CRTC3: variants seen among roughly 807,000 people sequenced by gnomAD.
The protein encoded by CRTC3 is CREB-regulated transcription coactivator 3.
CRTC3 carries 26 observed loss-of-function variants against 74.5 expected under a neutral mutation model. That is an observed-to-expected ratio of 0.35 (90% CI 0.26 to 0.48). The LOEUF (loss-of-function observed/expected upper bound fraction) is 0.48. Among genes scored for constraint, CRTC3 ranks in the 20% least tolerant of loss-of-function variants. CRTC3 has a pLI of 0.99. For missense variants in CRTC3, 760 were observed against 787.3 expected (o/e 0.97, Z 0.41); for synonymous variants, 377 against 325.8 (o/e 1.16, Z -1.69).
intron 2 of CRTC3, among the ~76,000 whole-genome samples, chr15:90,579,078 C>T (rs939278973): frequency 3.3e-5 from 5 of 152,118 alleles, no homozygotes; most frequent in Admixed American, 2.0e-4. Flanking sequence ...AAAAAAATTG[C>T]ATCCTTACTA....
chr15:90,570,122 C>T (rs1346859201), intron 2 of CRTC3, among the ~76,000 whole-genome samples: 2 of 152,194 alleles, frequency 1.3e-5, no homozygotes, highest in African/African-American at 4.8e-5. Context: ...AGTTTTCACA[C>T]AGTTGCTAGG....
chr15:90,555,012 G>T (rs1023666838), intron 2 of CRTC3, among the ~76,000 whole-genome samples: 2 of 152,168 alleles, frequency 1.3e-5, no homozygotes, highest in African/African-American at 4.8e-5. Flanking sequence ...TCTACAATTG[G>T]CCATACTCTG....
intron 3 of CRTC3, chr15:90,598,157 A>G: frequency 2.4e-6 from 1 of 421,472 alleles, no homozygotes; most frequent in South Asian, 2.9e-5. Flanking sequence ...AGAGCAGGAG[A>G]GAAATGACTG....
chr15:90,558,317 A>G (rs1481216763), intron 2 of CRTC3, among the ~76,000 whole-genome samples: 1 of 152,084 alleles, frequency 6.6e-6, no homozygotes, highest in African/African-American at 2.4e-5. Flanking sequence ...TATATTCTCA[A>G]CACTGCCACC....
At chr15:90,554,575 A>G (rs1020194353) in intron 2 of CRTC3, among the ~76,000 whole-genome samples, 1 of 152,064 alleles carries the variant, frequency 6.6e-6, no homozygotes, top group African/African-American at 2.4e-5. Flanking sequence ...CATCGCTGAC[A>G]CCTCTATTGC....
chr15:90,638,717 T>A lies in CRTC3; in HGVS notation c.1468-18T>A. The A allele has an allele frequency of 6.2e-7, 1 of 1,613,730 alleles. No homozygotes were observed. The highest frequency in any genetic ancestry group is 8.5e-7 in the Non-Finnish European group (1 of 1,179,648). On this transcript the variant is annotated intron_variant, in intron 12 of 14. Coordinates refer to ENST00000268184, the MANE Select transcript of CRTC3 (RefSeq NM_022769.5). The stretch of plus-strand genomic sequence containing the variant: ...CTCTGAGTTCCAAGCTAAATGATCA[T>A]CTCCTTATTCCCTGAAGGGCTCATC...
At chr15:90,609,191 T>G (rs891018708) in intron 6 of CRTC3, among the ~76,000 whole-genome samples, 3 of 152,244 alleles carry the variant, frequency 2.0e-5, no homozygotes, top group Non-Finnish European at 4.4e-5. Context: ...ATTGTTTGCT[T>G]GTAAACTATG....
At chr15:90,604,728 C>G (rs1436020772) in intron 5 of CRTC3, among the ~76,000 whole-genome samples, 2 of 152,112 alleles carry the variant, frequency 1.3e-5, no homozygotes, top group African/African-American at 4.8e-5. Flanking sequence ...GGAGATAATG[C>G]TACCTAGATC....
At chr15:90,565,129 G>A (rs939621931) in intron 2 of CRTC3, among the ~76,000 whole-genome samples, 2 of 152,152 alleles carry the variant, frequency 1.3e-5, no homozygotes, top group African/African-American at 4.8e-5. Context: ...TTAGTTTTTA[G>A]TAGAGACGGG....
intron 4 of CRTC3, among the ~76,000 whole-genome samples, chr15:90,603,276 C>T (rs6496706): frequency 0.68 from 98,745 of 145,006 alleles, 34,627 homozygotes; most frequent in South Asian, 0.79. Flanking sequence ...ACCCCGTCTC[C>T]ACTAAAAATA....
intron 2 of CRTC3, among the ~76,000 whole-genome samples, chr15:90,547,563 G>A (rs1394584734): frequency 1.3e-5 from 2 of 152,158 alleles, no homozygotes; most frequent in East Asian, 3.9e-4. Flanking sequence ...GTAAACAAAA[G>A]CCAACTTTTC....
At position 90,638,642 on chromosome 15, in the gene CRTC3, C is replaced by T. The variant is rs544534466; in HGVS notation, c.1463C>T (p.Ala488Val). The change falls in exon 12 of 15, where the codon GCC becomes GTC. Residue 488 changes from alanine to valine, a missense_variant. This residue lies in a region of CRTC3 where 652 missense variants were observed against 635.2 expected (regional missense o/e 1.03). Coordinates refer to ENST00000268184, the MANE Select transcript of CRTC3 (RefSeq NM_022769.5). ...CAGTCAGACTTTCAGCTTCTCCCGG[C>T]CCAGGTGAGTTCTGGCAGGAGCGTT... The part of the protein sequence containing the change: ...LPQSDFQLLP[A>V]QGSSLTNFFP... The T allele has an allele frequency of 4.3e-6, 7 of 1,613,714 alleles. No homozygotes were observed. In the Admixed American group the frequency reaches 1.2e-4, roughly 27 times the overall value.
rs1046228641 is a variant in CRTC3 at position 90,571,946 on chromosome 15, G to T, written c.232-21690G>T. Among the ~76,000 whole-genome samples the T allele has an allele frequency of 3.3e-5, 5 of 152,250 alleles. No homozygotes were observed. The South Asian group carries it at 1.0e-3, about 32-fold the overall frequency. ...GGAGGCCGAGGCAGGTGGATTACCT[G>T]AGGTCAGGAGTTCAAGACCAGCCTG... is the stretch of plus-strand genomic sequence containing the variant. On this transcript the variant is annotated intron_variant, in intron 2 of 14. Coordinates refer to ENST00000268184, the MANE Select transcript of CRTC3 (RefSeq NM_022769.5).
chr15:90,634,732 G>A (rs755740637), intron 11 of CRTC3: 5 of 806,658 alleles, frequency 6.2e-6, no homozygotes, highest in Admixed American at 1.8e-5. Context: ...GTCATGGCAG[G>A]ACAAGCGTGT....
At chr15:90,559,535 A>T (rs1596082909) in intron 2 of CRTC3, among the ~76,000 whole-genome samples, 1 of 152,352 alleles carries the variant, frequency 6.6e-6, no homozygotes, top group East Asian at 1.9e-4. Flanking sequence ...GGTTATTGGA[A>T]GAATTAGATG....
intron 9 of CRTC3, among the ~76,000 whole-genome samples, chr15:90,621,269 G>A (rs1028970265): frequency 6.6e-6 from 1 of 152,192 alleles, no homozygotes; most frequent in African/African-American, 2.4e-5. Context: ...GAATTGGGCT[G>A]CAGTACTTTA....
intron 2 of CRTC3, among the ~76,000 whole-genome samples, chr15:90,563,740 A>G (rs1196118979): frequency 6.6e-6 from 1 of 152,246 alleles, no homozygotes; most frequent in Non-Finnish European, 1.5e-5. Context: ...TTACTCAGCT[A>G]GTAAGTGGCT....
intron 10 of CRTC3, among the ~76,000 whole-genome samples, chr15:90,628,338 A>G (rs1381130526): frequency 1.3e-5 from 2 of 152,190 alleles, no homozygotes; most frequent in South Asian, 2.1e-4. Flanking sequence ...GAAACAACAC[A>G]TAGTTCTGCT....
intron 1 of CRTC3, among the ~76,000 whole-genome samples, chr15:90,538,098 C>G (rs1446624705): frequency 6.6e-6 from 1 of 152,210 alleles, no homozygotes; most frequent in East Asian, 1.9e-4. Context: ...ATACATTCAT[C>G]TTAGTAAGCC....
Sources: gnomAD v4.1 joint callset for allele counts (sites outside exome capture counted in the v4.1 genomes callset) on GRCh38, gnomAD v4.1.1 for gene constraint, gnomAD v4.1.1 regional missense constraint, MANE v1.5 for transcripts, NCBI Gene and HGNC (gene_info 2026-07-23, HGNC 2026-07-21) for gene names.